SPATA4: variants seen among roughly 807,000 people sequenced by gnomAD.
SPATA4 encodes the protein spermatogenesis-associated protein 4.
In SPATA4, 35 loss-of-function variants were observed where a neutral mutation model predicts 31.8. The ratio of observed to expected loss-of-function variants is 1.10; its 90% CI spans 0.84 to 1.46. The LOEUF is 1.46. SPATA4 is among the 40% of genes most tolerant of loss of function. SPATA4 has a pLI of 0.00. For missense variants in SPATA4, 394 were observed against 363.1 expected (o/e 1.09, Z -0.69); for synonymous variants, 126 against 132.4 (o/e 0.95, Z 0.33).
At chr4:176,184,943 T>C (rs766081599) in intron 5 of SPATA4, 51 bp from the exon 6 acceptor site, 9 of 1,119,386 alleles carry the variant, frequency 8.0e-6, no homozygotes, top group Admixed American at 3.9e-5. Flanking sequence ...TTACTAAATA[T>C]TCATACAAGC....
At chr4:176,187,785 A>G (rs992924025) in intron 5 of SPATA4, among the ~76,000 whole-genome samples, 4 of 152,304 alleles carry the variant, frequency 2.6e-5, no homozygotes, top group African/African-American at 7.2e-5. Context: ...GCAAGTATCT[A>G]TATCTGTCTC....
chr4:176,193,083 T>TCTTGCC lies in SPATA4; in HGVS notation c.349-8_349-7insGGCAAG. On this transcript the variant is annotated splice_region_variant and splice_polypyrimidine_tract_variant and intron_variant, in intron 2 of 5. Transcript: ENST00000280191. ...ATTTTTTTCTTGCCAGGAACTTTAA[T>TCTTGCC]AGTAGAAAGAAAATGTTTTTATCAT... 6.7e-7 allele frequency: 1 copy of TCTTGCC among 1,493,024 alleles called. No individual in the cohort carries two copies. Among genetic ancestry groups the TCTTGCC allele is most frequent in the Non-Finnish European group, 9.2e-7 (1 of 1,091,312 alleles). 92.5% of individuals were successfully genotyped at this position (1,493,024 alleles called of 1,614,324 possible). A position where few individuals can be genotyped will look rare whatever the true frequency, so the allele number is the denominator to read the frequency against.
chr4:176,188,216 T>A lies in SPATA4; in HGVS notation c.708A>T (p.Pro236=). 6.2e-7 allele frequency: 1 copy of A among 1,610,922 alleles called. No individual in the cohort carries two copies. The highest frequency in any genetic ancestry group is 8.5e-7 in the Non-Finnish European group (1 of 1,178,742). ...KLNPEWFDVK[P]TVGEVTLNHL... Reference sequence around the variant, plus strand: ...GATTGAGAGTAACTTCTCCCACTGTTGGTTTCACATCAAACCATTCTATAA... The same window carrying A: ...GATTGAGAGTAACTTCTCCCACTGTAGGTTTCACATCAAACCATTCTATAA... The change falls in exon 5 of 6, where the codon CCA becomes CCT. Residue 236 remains proline, a synonymous_variant. Transcript: ENST00000280191.
chr4:176,191,217 T>A (rs1752522818), intron 4 of SPATA4, among the ~76,000 whole-genome samples: 2 of 151,506 alleles, frequency 1.3e-5, no homozygotes, highest in South Asian at 4.2e-4. Flanking sequence ...TGCTTCAGCC[T>A]CCCCAGTAGC....
intron 5 of SPATA4, among the ~76,000 whole-genome samples, chr4:176,187,272 C>T (rs1040440505): frequency 6.6e-6 from 1 of 152,038 alleles, no homozygotes; most frequent in Non-Finnish European, 1.5e-5. Context: ...TATTTATGAG[C>T]ACGGGAACTT....
chr4:176,195,146 A>G (rs1752594136), intron 1 of SPATA4, among the ~76,000 whole-genome samples, 199 bp downstream of exon 1: 1 of 152,226 alleles, frequency 6.6e-6, no homozygotes, highest in African/African-American at 2.4e-5. Flanking sequence ...TGATTGGTTG[A>G]TTAATTGAAT....
intron 4 of SPATA4, among the ~76,000 whole-genome samples, chr4:176,189,345 A>T (rs1752491970): frequency 6.6e-6 from 1 of 152,174 alleles, no homozygotes; most frequent in South Asian, 2.1e-4. Flanking sequence ...GATTAGCACT[A>T]AAAAGAGTAG....
intron 5 of SPATA4, among the ~76,000 whole-genome samples, chr4:176,187,831 C>T (rs752777382): frequency 1.1e-4 from 16 of 152,176 alleles, no homozygotes; most frequent in African/African-American, 1.7e-4. Flanking sequence ...TACTGAAGAA[C>T]TGAGCTTTGA....
intron 4 of SPATA4, among the ~76,000 whole-genome samples, chr4:176,190,031 C>T (rs1476072151): frequency 1.3e-5 from 2 of 152,000 alleles, no homozygotes; most frequent in African/African-American, 4.8e-5. Context: ...CTGCGTGCAC[C>T]GGTAATTAGA....
At chr4:176,191,525 C>T (rs1482177656) in intron 4 of SPATA4, among the ~76,000 whole-genome samples, 1 of 152,158 alleles carries the variant, frequency 6.6e-6, no homozygotes, top group African/African-American at 2.4e-5. Context: ...TATTTCTTAA[C>T]CTGTGTAGGG....
At position 176,193,506 on chromosome 4, in the gene SPATA4, CA is replaced by C; in HGVS notation, c.294del (p.Phe98LeufsTer7). 1.2e-6 allele frequency: 2 copies of C among 1,613,712 alleles called. No individual in the cohort carries two copies. The highest frequency in any genetic ancestry group is 1.7e-6 in the Non-Finnish European group (2 of 1,179,912). ...YYPWELELSS[F>X]ENGTSLKVKL... ...TTGACTTTTAAAGAGGTCCCGTTTT[CA>C]AAGGATGATAATTCAAGTTCCCAGG... is the stretch of plus-strand genomic sequence containing the variant. On this transcript the variant is annotated frameshift_variant, in exon 2 of 6. Coordinates refer to ENST00000280191, the MANE Select transcript of SPATA4 (RefSeq NM_144644.4). LOFTEE classifies it high-confidence loss of function.
At chr4:176,195,316 G>C (rs1344323679) in intron 1 of SPATA4, 29 bp downstream of exon 1, 5 of 1,607,776 alleles carry the variant, frequency 3.1e-6, no homozygotes, top group East Asian at 2.2e-5. Context: ...CGCCCACCGG[G>C]GGGGCCTAGG....
At chr4:176,193,654 AC>A in intron 1 of SPATA4, 72 bp from the exon 2 acceptor site, 1 of 1,401,000 alleles carries the variant, frequency 7.1e-7, no homozygotes, top group South Asian at 1.5e-5. Context: ...TATAATTAAT[AC>A]TAGTCTAATA....
At chr4:176,188,795 T>C (rs1000740853) in intron 4 of SPATA4, among the ~76,000 whole-genome samples, 1 of 152,244 alleles carries the variant, frequency 6.6e-6, no homozygotes, top group African/African-American at 2.4e-5. Context: ...TAAACTGAAA[T>C]ACTTGAGCAA....
Position 176,192,961 on chromosome 4 carries a change from C to G in SPATA4, c.464G>C (p.Arg155Pro). 2 of 1,597,580 alleles carry G rather than the reference C, an allele frequency of 1.3e-6. No homozygotes were observed. Among genetic ancestry groups the G allele is most frequent in the Non-Finnish European group, 1.7e-6 (2 of 1,172,428 alleles). ...TAGGAAATTACAAAGAACTTACTCT[C>G]GATGTGTTAATAAAGTGTAAACCTC... ...IEEVYTLLTH[R>P]EIKSIQDDFV... Residue 155 changes from arginine (R) to proline (P), a missense_variant, in exon 3 of 6, where the codon CGA becomes CCA. Arg to Pro is a moderately radical substitution (Grantham distance 103). Transcript: ENST00000280191.
In SPATA4 at chr4:176,193,453, C is replaced by G. The variant is rs1752564689; in HGVS notation, c.348G>C (p.Lys116Asn). Residue 116 changes from lysine (K) to asparagine (N), a missense_variant and splice_region_variant, in exon 2 of 6, where the codon AAG becomes AAC. Coordinates refer to ENST00000280191, the MANE Select transcript of SPATA4 (RefSeq NM_144644.4). ...VKLDNWAQLE[K>N]FLARKKFKLP... is the part of the protein sequence containing the mutation. ...AAAGTGTAAATGACTGCTAACGTAC[C>G]TTCTCCAACTGTGCCCAGTTATCCA... The G allele has an allele frequency of 6.2e-7, 1 of 1,609,914 alleles. No individual in the cohort carries two copies. The highest frequency in any genetic ancestry group is 8.5e-7 in the Non-Finnish European group (1 of 1,178,976).
chr4:176,188,080 A>G, intron 5 of SPATA4, 39 bp downstream of exon 5: 1 of 1,474,948 alleles, frequency 6.8e-7, no homozygotes, highest in Non-Finnish European at 9.4e-7. Context: ...AGTCAAGCAA[A>G]AAAAAATCAA....
intron 1 of SPATA4, chr4:176,194,722 ATTTTTTTTTTTTTTTTTT>A (rs56999786): frequency 0.43 from 43,684 of 101,884 alleles, 7,225 homozygotes; most frequent in East Asian, 0.65. Flanking sequence ...CCTTACCAGT[ATTTTTTTTTTTTTTTTTT>A]TTTTTTTTTT....
chr4:176,188,261 T>C (rs1174388836), intron 4 of SPATA4, 26 bp from the exon 5 acceptor site: 1 of 1,490,870 alleles, frequency 6.7e-7, no homozygotes, highest in Non-Finnish European at 9.1e-7. Flanking sequence ...ACAAAAGTTA[T>C]TTCTTAAAAA....
Sources: allele counts gnomAD v4.1 joint callset (sites outside exome capture counted in the v4.1 genomes callset), GRCh38; gene constraint gnomAD v4.1.1; transcripts MANE v1.5; gene names NCBI Gene and HGNC (gene_info 2026-07-23, HGNC 2026-07-21).